Variants in LRP1B observed in about 807,000 individuals in gnomAD.
The protein encoded by LRP1B is low-density lipoprotein receptor-related protein 1B.
Under a neutral mutation model 556.6 loss-of-function variants are expected in LRP1B, and 217 were observed. The ratio of observed to expected loss-of-function variants is 0.39; its 90% confidence interval spans 0.35 to 0.44. The LOEUF (loss-of-function observed/expected upper bound fraction) is 0.44, where lower values mean the gene tolerates loss of function less well. LRP1B is among the 20% of genes least tolerant of loss of function. The pLI is 1.00. For missense variants in LRP1B, 5,053 were observed against 5,620.8 expected (o/e 0.90, Z 3.23); for synonymous variants, 2,047 against 1,865.8 (o/e 1.10, Z -2.50).
chr2:140,865,360 TA>T (rs1333413518), intron 27 of LRP1B, among the ~76,000 whole-genome samples: 2 of 152,068 alleles, frequency 1.3e-5, no homozygotes, highest in Non-Finnish European at 2.9e-5. Context: ...GAATGTCATG[TA>T]TTTTTTAAAT....
At chr2:140,270,893 T>C (rs919558568) in intron 85 of LRP1B, among the ~76,000 whole-genome samples, 1 of 151,972 alleles carries the variant, frequency 6.6e-6, no homozygotes, top group Non-Finnish European at 1.5e-5. Context: ...CTGTAACTAA[T>C]GTCAAACTAT....
intron 15 of LRP1B, among the ~76,000 whole-genome samples, chr2:141,002,864 A>T (rs2105370624): frequency 6.6e-6 from 1 of 152,162 alleles, no homozygotes; most frequent in Admixed American, 6.5e-5. Context: ...TGTCAAACAT[A>T]TTTTTATTAA....
At chr2:140,927,764 T>C (rs1007974218) in intron 20 of LRP1B, among the ~76,000 whole-genome samples, 1 of 138,582 alleles carries the variant, frequency 7.2e-6, no homozygotes, top group Non-Finnish European at 1.5e-5. Context: ...TGGAGTGCAA[T>C]AGTGCAATCT....
Position 140,862,905 on chromosome 2 carries a change from C to T in LRP1B, c.4579+4685G>A, listed in dbSNP as rs558296752. On this transcript the variant is annotated intron_variant, in intron 27 of 90. Transcript: ENST00000389484. ...GCAAGTTTGTTTCCTGTTTGAGCTACGACATATATCTTATCCTACACTCCA... is the reference window on the plus strand; with the variant it reads ...GCAAGTTTGTTTCCTGTTTGAGCTATGACATATATCTTATCCTACACTCCA... Among the ~76,000 whole-genome samples the T allele has an allele frequency of 4.6e-5, 7 of 152,276 alleles. No homozygotes were observed. The East Asian group carries it at 5.8e-4, about 13-fold the overall frequency.
At chr2:141,931,783 G>T (rs1307268630) in intron 1 of LRP1B, among the ~76,000 whole-genome samples, 2 of 151,964 alleles carry the variant, frequency 1.3e-5, no homozygotes, top group African/African-American at 4.8e-5. Flanking sequence ...TGTGCAAAAA[G>T]AACCTGATTT....
chr2:141,685,936 A>C (rs1691285254), intron 2 of LRP1B, among the ~76,000 whole-genome samples: 1 of 152,094 alleles, frequency 6.6e-6, no homozygotes, highest in African/African-American at 2.4e-5. Flanking sequence ...AGCATTGTAA[A>C]ACATTCAAGT....
At chr2:140,883,675 T>TCCCCCC in intron 25 of LRP1B, 142 bp downstream of exon 25, 1 of 272,816 alleles carries the variant, frequency 3.7e-6, no homozygotes, top group Non-Finnish European at 7.2e-6. Flanking sequence ...TACCCCCACC[T>TCCCCCC]CCCCGCCCCC....
intron 18 of LRP1B, among the ~76,000 whole-genome samples, chr2:140,952,290 T>C (rs1208093085): frequency 6.6e-6 from 1 of 152,152 alleles, no homozygotes; most frequent in Non-Finnish European, 1.5e-5. Context: ...CTGTACACTC[T>C]GGAGCTGCAA....
At chr2:140,375,093 C>G (rs1683164504) in intron 68 of LRP1B, among the ~76,000 whole-genome samples, 1 of 151,642 alleles carries the variant, frequency 6.6e-6, no homozygotes, top group African/African-American at 2.4e-5. Context: ...ATGTTGATAC[C>G]TTTGCAACCT....
intron 6 of LRP1B, among the ~76,000 whole-genome samples, chr2:141,193,176 AT>A (rs1331158066): frequency 6.6e-6 from 1 of 152,018 alleles, no homozygotes; most frequent in Non-Finnish European, 1.5e-5. Flanking sequence ...CAGTATGGCA[AT>A]TCCTCAAAGA....
intron 7 of LRP1B, among the ~76,000 whole-genome samples, chr2:141,075,542 G>A (rs971188995): frequency 6.6e-6 from 1 of 152,124 alleles, no homozygotes; most frequent in Non-Finnish European, 1.5e-5. Flanking sequence ...GTACTGAAAA[G>A]CTCATGCTCA....
rs373652641 is a variant in LRP1B, at chr2:141,055,247, G to T, written c.1421C>A (p.Ala474Glu). 6.1e-5 allele frequency: 98 copies of T among 1,610,048 alleles called. No homozygotes were observed. Among genetic ancestry groups the T allele is most frequent in the Non-Finnish European group, 6.6e-5 (78 of 1,178,100 alleles). ...CATTCCATATGGATCGACTTCACAT[G>T]CATGGCTTCTGACTACAACAAATAA... The part of the protein sequence containing the change: ...KRTQPTVRSH[A>E]CEVDPYGMPG... The change falls in exon 10 of 91, where the codon GCA becomes GAA. Residue 474 changes from alanine to glutamate, a missense_variant. By Grantham distance (107) the Ala-to-Glu change is moderately radical. Coordinates refer to ENST00000389484, the MANE Select transcript of LRP1B (RefSeq NM_018557.3).
chr2:140,838,664 AG>A (rs1245940589), intron 31 of LRP1B, among the ~76,000 whole-genome samples: 1 of 152,148 alleles, frequency 6.6e-6, no homozygotes, highest in Non-Finnish European at 1.5e-5. Context: ...AAAAATGTAT[AG>A]TATTCAATTG....
chr2:142,112,262 A>G (rs1707022041), intron 1 of LRP1B, among the ~76,000 whole-genome samples: 1 of 152,076 alleles, frequency 6.6e-6, no homozygotes, highest in African/African-American at 2.4e-5. Flanking sequence ...TGAGAAAGTC[A>G]GAGCAAATTC....
intron 3 of LRP1B, among the ~76,000 whole-genome samples, chr2:141,464,865 T>C (rs921746127): frequency 2.6e-5 from 4 of 151,848 alleles, no homozygotes; most frequent in African/African-American, 9.7e-5. Flanking sequence ...GTGTAAAAAG[T>C]GTTAGAAGTA....
intron 23 of LRP1B, 99 bp from the exon 24 acceptor site, chr2:140,886,434 C>T: frequency 1.5e-6 from 1 of 663,146 alleles, no homozygotes; most frequent in Non-Finnish European, 2.4e-6. Flanking sequence ...TAATTTATTA[C>T]ATAATTCTCT....
At chr2:140,388,967 A>T (rs186053140) in intron 66 of LRP1B, among the ~76,000 whole-genome samples, 2 of 152,304 alleles carry the variant, frequency 1.3e-5, no homozygotes, top group East Asian at 3.9e-4. Context: ...CAAAAAACTG[A>T]TATAAAACAG....
intron 60 of LRP1B, among the ~76,000 whole-genome samples, chr2:140,461,039 G>A (rs1345121053): frequency 6.7e-6 from 1 of 149,464 alleles, no homozygotes; most frequent in Admixed American, 6.7e-5. Context: ...CTCCAGCCTG[G>A]GTGACAGAGC....
At chr2:141,044,170 A>G (rs1452058379) in intron 11 of LRP1B, among the ~76,000 whole-genome samples, 2 of 151,856 alleles carry the variant, frequency 1.3e-5, no homozygotes, top group East Asian at 3.9e-4. Flanking sequence ...GCAATGGGGA[A>G]AGGATTCCCT....
Sources: gnomAD v4.1 joint callset for allele counts (sites outside exome capture counted in the v4.1 genomes callset) on GRCh38, gnomAD v4.1.1 for gene constraint, MANE v1.5 for transcripts, NCBI Gene and HGNC (gene_info 2026-07-23, HGNC 2026-07-21) for gene names.